Variants in EML5 observed in about 807,000 individuals in gnomAD.
The protein encoded by EML5 is EMAP like 5.
In EML5, 120 loss-of-function variants were observed where a neutral mutation model predicts 250.0. The observed-to-expected ratio is 0.48, with a 90% CI of 0.41 to 0.56. The LOEUF is 0.56. Ranked by LOEUF, EML5 falls within the 20% of genes least tolerant of loss-of-function variation. EML5 has a pLI of 0.00. For synonymous variants in EML5, 771 were observed against 806.5 expected, an observed-to-expected ratio of 0.96 and a Z score of 0.75; for missense variants, 2,006 against 2,437.6, an observed-to-expected ratio of 0.82 and a Z score of 3.73.
intron 3 of EML5, among the ~76,000 whole-genome samples, chr14:88,744,327 A>C (rs1351235081): frequency 6.6e-6 from 1 of 152,060 alleles, no homozygotes; most frequent in Admixed American, 6.6e-5. Context: ...GTAAAATTTA[A>C]CACCTCTGTT....
At chr14:88,636,535 C>T (rs551216477) in intron 32 of EML5, among the ~76,000 whole-genome samples, 1 of 152,098 alleles carries the variant, frequency 6.6e-6, no homozygotes, top group Non-Finnish European at 1.5e-5. Context: ...GTGGCGTGCA[C>T]CTGTAGTCCC....
At chr14:88,743,139 C>A (rs894508063) in intron 4 of EML5, among the ~76,000 whole-genome samples, 1 of 151,852 alleles carries the variant, frequency 6.6e-6, no homozygotes, top group Non-Finnish European at 1.5e-5. Context: ...GAGAGAGGGA[C>A]AAGGAGAGAT....
chr14:88,641,022 T>C (rs1383833889), intron 31 of EML5, among the ~76,000 whole-genome samples: 1 of 151,998 alleles, frequency 6.6e-6, no homozygotes, highest in Non-Finnish European at 1.5e-5. Flanking sequence ...CTAGAGGAGA[T>C]GGATAAATTC....
chr14:88,659,786 G>C (rs75103339), intron 25 of EML5, among the ~76,000 whole-genome samples: 4,242 of 152,238 alleles, frequency 0.028, 91 homozygotes, highest in Non-Finnish European at 0.043. Context: ...ATATTTTCTT[G>C]GGTGTCTGAG....
At chr14:88,635,752 C>A (rs2090688553) in intron 32 of EML5, among the ~76,000 whole-genome samples, 3 of 152,046 alleles carry the variant, frequency 2.0e-5, no homozygotes, top group Non-Finnish European at 2.9e-5. Context: ...TGTCTTCCCC[C>A]AAAATTCATA....
rs1334335487 is a variant in EML5, at chr14:88,613,391, T to TATCA, written c.*2423_*2426dup. On this transcript the variant is annotated 3_prime_UTR_variant, in exon 44 of 44. Coordinates refer to ENST00000554922, the MANE Select transcript of EML5 (RefSeq NM_183387.3). ...TTAAATATCTGGAAATACTTTTAGC[T>TATCA]ATCATTTATAAAGATAGTTTTGTTC... 28 of 152,144 alleles carry TATCA rather than the reference T, an allele frequency of 1.8e-4. No homozygotes were observed. Among genetic ancestry groups the TATCA allele is most frequent in the African/African-American group, 6.0e-4 (25 of 41,404 alleles). 9.4% of individuals were successfully genotyped at this position (152,144 alleles called of 1,614,324 possible). A position where few individuals can be genotyped will look rare whatever the true frequency, so the allele number is the denominator to read the frequency against.
intron 21 of EML5, among the ~76,000 whole-genome samples, chr14:88,668,298 C>T (rs1054972701): frequency 2.6e-5 from 4 of 152,072 alleles, no homozygotes; most frequent in Admixed American, 2.0e-4. Context: ...CGGGGAGAAG[C>T]GCTGGAGCAG....
intron 2 of EML5, among the ~76,000 whole-genome samples, chr14:88,747,736 G>A (rs1297756016): frequency 6.6e-6 from 1 of 152,096 alleles, no homozygotes; most frequent in Non-Finnish European, 1.5e-5. Context: ...AAAATTCAAT[G>A]GAAGAGTTAA....
At chr14:88,701,379 G>A (rs2093205794) in intron 14 of EML5, among the ~76,000 whole-genome samples, 1 of 152,114 alleles carries the variant, frequency 6.6e-6, no homozygotes, top group Admixed American at 6.6e-5. Flanking sequence ...AAGCTTCTCT[G>A]CTCTATACTT....
In EML5 at chr14:88,613,523, TTTAA is replaced by T. The variant is rs2087153512; in HGVS notation, c.*2291_*2294del. 1 of 152,214 alleles carries T rather than the reference TTTAA, an allele frequency of 6.6e-6. No individual in the cohort carries two copies. The highest frequency in any genetic ancestry group is 1.5e-5 in the Non-Finnish European group (1 of 68,038). 9.4% of individuals were successfully genotyped at this position (152,214 alleles called of 1,614,324 possible). ...ACTAAAATCTGATTGTTTTTTGCTA[TTTAA>T]TAGCCACTGCCCAGACACATATTTA... On this transcript the variant is annotated 3_prime_UTR_variant, in exon 44 of 44. Coordinates refer to ENST00000554922, the MANE Select transcript of EML5 (RefSeq NM_183387.3).
rs1200591938 is a variant in EML5 at position 88,792,432 on chromosome 14, G to T, written c.72C>A (p.Cys24Ter). 6.5e-7 allele frequency: 1 copy of T among 1,546,318 alleles called. No individual in the cohort carries two copies. The highest frequency in any genetic ancestry group is 1.2e-5 in the South Asian group (1 of 83,460). The change falls in exon 1 of 44, where the codon TGC becomes TGA. Residue 24 changes from cysteine (C) to a stop codon, truncating the protein, a stop_gained. Coordinates refer to ENST00000554922, the MANE Select transcript of EML5 (RefSeq NM_183387.3). LOFTEE classifies it high-confidence loss of function. The surrounding 1 kb of genome is among the most constrained non-coding windows in gnomAD (Gnocchi z 6.9). ...CCGCAGTGTAGTAGAGGTTGTTGCG[G>T]CACTGGTGGCCCCGGTAGCCGTACA... ...EWVYGYRGHQCRNNLYYTAAK... is the reference protein window; with the variant it reads ...EWVYGYRGHQ
At chr14:88,680,045 TTTC>T (rs1455653114) in intron 21 of EML5, among the ~76,000 whole-genome samples, 1 of 152,214 alleles carries the variant, frequency 6.6e-6, no homozygotes, top group Non-Finnish European at 1.5e-5. Flanking sequence ...ATGCTGAAAC[TTTC>T]TTCATTTTAT....
intron 1 of EML5, among the ~76,000 whole-genome samples, chr14:88,764,412 T>C (rs1384436281): frequency 6.6e-6 from 1 of 152,212 alleles, no homozygotes; most frequent in African/African-American, 2.4e-5. Flanking sequence ...TTGTTTATAG[T>C]AATCCCTTAT....
intron 21 of EML5, among the ~76,000 whole-genome samples, chr14:88,679,651 C>A (rs1871964660): frequency 6.6e-6 from 1 of 151,982 alleles, no homozygotes; most frequent in Admixed American, 6.6e-5. Context: ...AAGATCATGC[C>A]ACTGCACTCC....
At chr14:88,683,549 A>G (rs888229561) in intron 20 of EML5, among the ~76,000 whole-genome samples, 4 of 152,176 alleles carry the variant, frequency 2.6e-5, no homozygotes, top group South Asian at 2.1e-4. Context: ...CTAAATACCA[A>G]TATCTCTTAT....
At chr14:88,639,647 G>C (rs1221017770) in intron 31 of EML5, among the ~76,000 whole-genome samples, 1 of 152,122 alleles carries the variant, frequency 6.6e-6, no homozygotes, top group Admixed American at 6.6e-5. Context: ...TGTAATCCTG[G>C]CTCATTGCAA....
At chr14:88,691,790 C>T (rs2092964619) in intron 17 of EML5, among the ~76,000 whole-genome samples, 1 of 152,172 alleles carries the variant, frequency 6.6e-6, no homozygotes, top group Non-Finnish European at 1.5e-5. Context: ...GGTTAATGAA[C>T]TCTGTGGATC....
intron 1 of EML5, among the ~76,000 whole-genome samples, chr14:88,772,620 G>A (rs1339990520): frequency 6.6e-6 from 1 of 152,130 alleles, no homozygotes; most frequent in Non-Finnish European, 1.5e-5. Context: ...AGGCGTGGTG[G>A]TGCGTGCCTG....
chr14:88,650,558 T>C (rs1393035398), intron 27 of EML5, among the ~76,000 whole-genome samples: 3 of 152,292 alleles, frequency 2.0e-5, no homozygotes, highest in African/African-American at 7.2e-5. Flanking sequence ...ATCAACCAAA[T>C]AGAATGGTTA....
Sources: allele counts gnomAD v4.1 joint callset (sites outside exome capture counted in the v4.1 genomes callset), GRCh38; gene constraint gnomAD v4.1.1; non-coding constraint Gnocchi (gnomAD v3.1); transcripts MANE v1.5; gene names NCBI Gene and HGNC (gene_info 2026-07-23, HGNC 2026-07-21).